The following PTPRA variants were observed in gnomAD, a reference collection of about 807,000 sequenced individuals.
PTPRA encodes the protein receptor-type tyrosine-protein phosphatase alpha.
In PTPRA, 25 loss-of-function variants were observed where a neutral mutation model predicts 104.8. The ratio of observed to expected loss-of-function variants is 0.24; its 90% CI spans 0.17 to 0.33. The LOEUF is 0.33. Among genes scored for constraint, PTPRA ranks in the 10% least tolerant of loss-of-function variants. The pLI is 1.00. For missense variants in PTPRA, 765 were observed against 1,015.3 expected, an observed-to-expected ratio of 0.75 and a Z score of 3.35; for synonymous variants, 323 against 368.9, an observed-to-expected ratio of 0.88 and a Z score of 1.43.
chr20:2,882,531 A>G (rs2090119338), intron 1 of PTPRA, among the ~76,000 whole-genome samples: 1 of 151,884 alleles, frequency 6.6e-6, no homozygotes, highest in Admixed American at 6.6e-5. Flanking sequence ...GGCTCAAGCA[A>G]TCCACCTGCC....
At chr20:2,993,966 G>C (rs1352583474) in intron 9 of PTPRA, among the ~76,000 whole-genome samples, 1 of 152,162 alleles carries the variant, frequency 6.6e-6, no homozygotes, top group Non-Finnish European at 1.5e-5. Flanking sequence ...AGATAGATTA[G>C]ATAGATTAAT....
rs776946977 is a variant in PTPRA, at chr20:3,024,587, G to A, written c.1580G>A (p.Gly527Glu). 13 of 1,613,982 alleles carry A rather than the reference G, an allele frequency of 8.1e-6. No homozygotes were observed. The highest frequency in any genetic ancestry group is 1.1e-5 in the Non-Finnish European group (13 of 1,180,018). Residue 527 changes from glycine to glutamate, a missense_variant, in exon 17 of 24, where the codon GGG becomes GAG. By Grantham distance (98) the Gly-to-Glu change is moderately conservative (BLOSUM62 -2). Coordinates refer to ENST00000399903, the MANE Select transcript of PTPRA (RefSeq NM_001385305.1). ...HLQKIYNKIP[G>E]TSNNGLEEEF... ...CAGAAAATTTACAACAAAATCCCAG[G>A]GACCAGCAACAATGGATTAGAGGAG...
intron 1 of PTPRA, among the ~76,000 whole-genome samples, chr20:2,896,741 A>G (rs2059016199): frequency 6.6e-6 from 1 of 152,226 alleles, no homozygotes; most frequent in African/African-American, 2.4e-5. Flanking sequence ...TATGTCTTTT[A>G]TAGCAAAAAC....
chr20:2,889,808 G>T (rs1252421507), intron 1 of PTPRA, among the ~76,000 whole-genome samples: 1 of 152,156 alleles, frequency 6.6e-6, no homozygotes, highest in Non-Finnish European at 1.5e-5. Flanking sequence ...CTCAAGAGAT[G>T]CTGTGCCTTT....
chr20:2,982,529 A>G (rs1363707180), intron 6 of PTPRA, among the ~76,000 whole-genome samples: 1 of 152,090 alleles, frequency 6.6e-6, no homozygotes, highest in African/African-American at 2.4e-5. Flanking sequence ...TTAGGTGTAC[A>G]GTGAGAATGA....
intron 2 of PTPRA, among the ~76,000 whole-genome samples, chr20:2,927,297 A>G (rs1020832968): frequency 6.6e-6 from 1 of 152,158 alleles, no homozygotes; most frequent in Non-Finnish European, 1.5e-5. Context: ...TGTAGGTTCA[A>G]TGTCATAGAC....
intron 13 of PTPRA, among the ~76,000 whole-genome samples, chr20:3,020,156 T>A (rs1300860752): frequency 6.6e-6 from 1 of 152,030 alleles, no homozygotes; most frequent in Non-Finnish European, 1.5e-5. Context: ...TCGCCCAGGC[T>A]GAAGGGCAGT....
chr20:2,868,112 C>T, the PTPRA span, among the ~76,000 whole-genome samples: 9 of 152,230 alleles, frequency 5.9e-5, no homozygotes, highest in East Asian at 1.7e-3. Context: ...GGGACCTTAG[C>T]TGGGGTGGTC....
At chr20:2,953,314 G>A (rs889915053) in intron 3 of PTPRA, among the ~76,000 whole-genome samples, 1 of 151,830 alleles carries the variant, frequency 6.6e-6, no homozygotes, top group Non-Finnish European at 1.5e-5. Flanking sequence ...AAGTGTAGTG[G>A]CGCAATCTCG....
intron 1 of PTPRA, among the ~76,000 whole-genome samples, chr20:2,900,779 C>T (rs1017746251): frequency 1.3e-5 from 2 of 150,134 alleles, no homozygotes; most frequent in Non-Finnish European, 3.0e-5. Flanking sequence ...ATTGCTTGAA[C>T]TCAGGAGGCA....
intron 14 of PTPRA, among the ~76,000 whole-genome samples, chr20:3,021,745 A>G (rs946793358): frequency 6.6e-6 from 1 of 151,922 alleles, no homozygotes. Context: ...TACTCCAAAG[A>G]CTCCTGACAT....
chr20:2,998,842 C>T (rs1219926636), intron 9 of PTPRA, among the ~76,000 whole-genome samples: 1 of 151,696 alleles, frequency 6.6e-6, no homozygotes, highest in Non-Finnish European at 1.5e-5. Flanking sequence ...ATACTGTCTT[C>T]AGAAAAACCC....
At chr20:3,030,676 CTTTTTTTTTTTTTTT>C (rs1180681994) in intron 20 of PTPRA, among the ~76,000 whole-genome samples, 1 of 67,724 alleles carries the variant, frequency 1.5e-5, no homozygotes, top group Non-Finnish European at 2.6e-5. Flanking sequence ...TCTCCCTCTG[CTTTTTTTTTTTTTTT>C]TTTTTTTTTT....
chr20:2,866,394 G>T, the PTPRA span: 3 of 1,614,082 alleles, frequency 1.9e-6, no homozygotes, highest in Non-Finnish European at 2.5e-6. Context: ...CCCTTGAGCA[G>T]CCCCAACACC....
chr20:2,991,541 C>G (rs2063175923), intron 9 of PTPRA, among the ~76,000 whole-genome samples: 1 of 152,058 alleles, frequency 6.6e-6, no homozygotes, highest in Non-Finnish European at 1.5e-5. Flanking sequence ...TAGTTCTTTT[C>G]TTTTTCCATA....
intron 8 of PTPRA, 36 bp from the exon 9 acceptor site, chr20:2,988,302 G>A: frequency 6.4e-7 from 1 of 1,571,334 alleles, no homozygotes; most frequent in South Asian, 1.2e-5. Flanking sequence ...TAGGTTCTCA[G>A]GGTACCTGAC....
chr20:3,004,803 C>T (rs1422143372), intron 9 of PTPRA, among the ~76,000 whole-genome samples: 1 of 152,212 alleles, frequency 6.6e-6, no homozygotes, highest in Non-Finnish European at 1.5e-5. Flanking sequence ...ATGGAAAGAG[C>T]ATGCTATACT....
intron 11 of PTPRA, among the ~76,000 whole-genome samples, chr20:3,014,912 G>A (rs897063930): frequency 1.3e-5 from 2 of 152,216 alleles, no homozygotes; most frequent in African/African-American, 2.4e-5. Context: ...TATAACTGGA[G>A]CAATAAAGAC....
intron 1 of PTPRA, among the ~76,000 whole-genome samples, chr20:2,889,541 A>G (rs1183136287): frequency 6.6e-6 from 1 of 152,206 alleles, no homozygotes; most frequent in African/African-American, 2.4e-5. Flanking sequence ...ACCAACATTT[A>G]AAAAACACAT....
Sources: allele counts gnomAD v4.1 joint callset (sites outside exome capture counted in the v4.1 genomes callset), GRCh38; gene constraint gnomAD v4.1.1; transcripts MANE v1.5; gene names NCBI Gene and HGNC (gene_info 2026-07-23, HGNC 2026-07-21).